DSCAM: variants seen among roughly 807,000 people sequenced by gnomAD.
DSCAM encodes the protein DS cell adhesion molecule, also known as cell adhesion molecule DSCAM.
Under a neutral mutation model 217.7 loss-of-function variants are expected in DSCAM, and 47 were observed. The observed-to-expected ratio is 0.22, with a 90% CI of 0.17 to 0.28. The LOEUF (loss-of-function observed/expected upper bound fraction) is 0.28, where lower values mean the gene tolerates loss of function less well. DSCAM is among the 10% of genes least tolerant of loss of function. The pLI is 1.00. For synonymous variants in DSCAM, 1,056 were observed against 1,015.3 expected (o/e 1.04, Z -0.76); for missense variants, 2,080 against 2,618.3 (o/e 0.79, Z 4.49).
intron 1 of DSCAM, among the ~76,000 whole-genome samples, chr21:40,770,923 G>T (rs1420954802): frequency 6.6e-6 from 1 of 152,082 alleles, no homozygotes; most frequent in Non-Finnish European, 1.5e-5. Flanking sequence ...AGGTAGAAAG[G>T]GTGCCAAGGT....
In DSCAM at chr21:40,482,993, T is replaced by C. The variant is rs545259104; in HGVS notation, c.509-113748A>G. On this transcript the variant is annotated intron_variant, in intron 3 of 32. Coordinates refer to ENST00000400454, the MANE Select transcript of DSCAM (RefSeq NM_001389.5). ...TGTGGTGCTGTGGATGTAATTATTT[T>C]TTAAAGTATATTTGACTTGCTTTTT... Among the ~76,000 whole-genome samples, 17 of 152,368 alleles carry C rather than the reference T, an allele frequency of 1.1e-4. No individual in the cohort carries two copies. In the South Asian group the frequency reaches 3.3e-3, roughly 30 times the overall value.
At chr21:40,188,018 T>G in intron 12 of DSCAM, 31 bp from the exon 13 acceptor site, 1 of 1,569,472 alleles carries the variant, frequency 6.4e-7, no homozygotes, top group Non-Finnish European at 8.7e-7. Context: ...AATTCATCTT[T>G]TTCAGTAGGC....
At chr21:40,767,870 G>A (rs1012477805) in intron 1 of DSCAM, among the ~76,000 whole-genome samples, 2 of 142,032 alleles carry the variant, frequency 1.4e-5, no homozygotes, top group African/African-American at 5.5e-5. Flanking sequence ...TTGATACATG[G>A]CTCACCATTT....
intron 3 of DSCAM, among the ~76,000 whole-genome samples, chr21:40,497,701 A>T (rs1335714073): frequency 6.6e-6 from 1 of 152,240 alleles, no homozygotes; most frequent in Non-Finnish European, 1.5e-5. Flanking sequence ...GTATACATAT[A>T]AGAAAACATC....
At chr21:40,209,636 T>A (rs2091162965) in intron 11 of DSCAM, among the ~76,000 whole-genome samples, 1 of 152,164 alleles carries the variant, frequency 6.6e-6, no homozygotes, top group Admixed American at 6.5e-5. Flanking sequence ...CCTGTCCCTA[T>A]TCCTGTCCCA....
intron 3 of DSCAM, among the ~76,000 whole-genome samples, chr21:40,404,586 A>G (rs1182052344): frequency 1.3e-5 from 2 of 152,198 alleles, no homozygotes; most frequent in African/African-American, 4.8e-5. Flanking sequence ...TGCTCTTTGA[A>G]TTGCACTTAA....
intron 3 of DSCAM, among the ~76,000 whole-genome samples, chr21:40,651,350 T>C (rs978799484): frequency 6.6e-6 from 1 of 152,218 alleles, no homozygotes; most frequent in African/African-American, 2.4e-5. Flanking sequence ...GTATTCAATA[T>C]TTATATTTCT....
At chr21:40,668,195 T>A (rs1258112130) in intron 3 of DSCAM, among the ~76,000 whole-genome samples, 2 of 124,542 alleles carry the variant, frequency 1.6e-5, no homozygotes, top group African/African-American at 6.2e-5. Flanking sequence ...GCAAACACAC[T>A]GCTGTACACT....
chr21:40,284,169 G>T (rs1012346007), intron 10 of DSCAM, among the ~76,000 whole-genome samples: 2 of 152,206 alleles, frequency 1.3e-5, no homozygotes, highest in East Asian at 3.9e-4. Flanking sequence ...AACAGCAGTT[G>T]CACCTAAATA....
chr21:40,266,817 C>T, intron 11 of DSCAM, among the ~76,000 whole-genome samples: 1 of 144,350 alleles, frequency 6.9e-6, no homozygotes, highest in Non-Finnish European at 1.5e-5. Context: ...CACACACCCC[C>T]ACACACATCG....
intron 4 of DSCAM, among the ~76,000 whole-genome samples, chr21:40,367,179 T>C (rs1005367448): frequency 6.6e-6 from 1 of 152,146 alleles, no homozygotes; most frequent in Non-Finnish European, 1.5e-5. Flanking sequence ...TATCCCAGTG[T>C]TGTGAGGACT....
At chr21:40,764,221 C>A (rs1252410971) in intron 1 of DSCAM, among the ~76,000 whole-genome samples, 1 of 151,136 alleles carries the variant, frequency 6.6e-6, no homozygotes, top group East Asian at 2.0e-4. Context: ...TATCCAGGAT[C>A]TACAGGGAAC....
At chr21:40,643,427 G>T (rs190001967) in intron 3 of DSCAM, among the ~76,000 whole-genome samples, 58 of 152,312 alleles carry the variant, frequency 3.8e-4, no homozygotes, top group African/African-American at 1.4e-3. Flanking sequence ...TTCGCGAGCT[G>T]CTCAGGAGGA....
chr21:40,266,241 T>C (rs1210086527), intron 11 of DSCAM, among the ~76,000 whole-genome samples: 1 of 90,388 alleles, frequency 1.1e-5, no homozygotes, highest in Non-Finnish European at 1.9e-5. Flanking sequence ...CAAAAACGTG[T>C]GAAAAAACTG....
chr21:40,060,471 G>C (rs570754912), intron 28 of DSCAM, among the ~76,000 whole-genome samples: 3 of 152,006 alleles, frequency 2.0e-5, no homozygotes, highest in African/African-American at 7.2e-5. Context: ...AGGGGAGGGG[G>C]CCAGGGTAGG....
At chr21:40,356,228 T>G (rs965074462) in intron 4 of DSCAM, among the ~76,000 whole-genome samples, 1 of 152,294 alleles carries the variant, frequency 6.6e-6, no homozygotes, top group African/African-American at 2.4e-5. Context: ...AGAGGTTTAC[T>G]ATGCAGCACA....
intron 3 of DSCAM, among the ~76,000 whole-genome samples, chr21:40,443,474 G>C (rs1401357524): frequency 6.6e-6 from 1 of 152,086 alleles, no homozygotes; most frequent in African/African-American, 2.4e-5. Context: ...TTCCATTCAT[G>C]GTGGTCTGTG....
chr21:40,169,035 A>G (rs1459743869), intron 15 of DSCAM, among the ~76,000 whole-genome samples: 1 of 152,196 alleles, frequency 6.6e-6, no homozygotes, highest in Non-Finnish European at 1.5e-5. Flanking sequence ...GGGGAAGCAA[A>G]TGGGAGAAAT....
At position 40,344,756 on chromosome 21, in the gene DSCAM, G is replaced by C. The variant is rs181537585; in HGVS notation, c.1210+2914C>G. On this transcript the variant is annotated intron_variant, in intron 6 of 32. Transcript: ENST00000400454. ...GATGTACTGACATAGAATTTTCTTTGTGTTTATTTTTGGAGTTTGCTGAGT... is the reference window on the plus strand; with the variant it reads ...GATGTACTGACATAGAATTTTCTTTCTGTTTATTTTTGGAGTTTGCTGAGT... Among the ~76,000 whole-genome samples, 30 of 152,164 alleles carry C rather than the reference G, an allele frequency of 2.0e-4. No individual in the cohort carries two copies. In the East Asian group the frequency reaches 5.0e-3, roughly 25 times the overall value.
Sources: gnomAD v4.1 joint callset for allele counts (sites outside exome capture counted in the v4.1 genomes callset) on GRCh38, gnomAD v4.1.1 for gene constraint, MANE v1.5 for transcripts, NCBI Gene and HGNC (gene_info 2026-07-23, HGNC 2026-07-21) for gene names.